The following MAGI2 variants were observed in gnomAD, a reference collection of about 807,000 sequenced individuals.
MAGI2 encodes membrane-associated guanylate kinase, WW and PDZ domain-containing protein 2.
Under a neutral mutation model 133.3 loss-of-function variants are expected in MAGI2, and 35 were observed. The observed-to-expected ratio is 0.26, with a 90% confidence interval of 0.20 to 0.35. The LOEUF (loss-of-function observed/expected upper bound fraction) is 0.35, where lower values mean the gene tolerates loss of function less well. Ranked by LOEUF, MAGI2 falls within the 10% of genes least tolerant of loss-of-function variation. The pLI is 1.00. For synonymous variants in MAGI2, 729 were observed against 710.6 expected, an observed-to-expected ratio of 1.03 and a Z score of -0.41; for missense variants, 1,636 against 1,863.4, an observed-to-expected ratio of 0.88 and a Z score of 2.25.
At chr7:78,882,692 GT>G (rs540923427) in intron 2 of MAGI2, among the ~76,000 whole-genome samples, 159 of 152,208 alleles carry the variant, frequency 1.0e-3, no homozygotes, top group African/African-American at 3.5e-3. Flanking sequence ...GGGATGCAAG[GT>G]TGGTTCCATG....
intron 3 of MAGI2, among the ~76,000 whole-genome samples, chr7:78,545,538 T>A (rs1387002509): frequency 6.6e-6 from 1 of 152,130 alleles, no homozygotes; most frequent in Non-Finnish European, 1.5e-5. Context: ...TTATGCAACA[T>A]TAATTTAAAC....
intron 1 of MAGI2, among the ~76,000 whole-genome samples, chr7:79,316,682 G>A (rs1838748987): frequency 6.6e-6 from 1 of 152,026 alleles, no homozygotes; most frequent in African/African-American, 2.4e-5. Context: ...GACTAATGTT[G>A]TATCAGACCA....
intron 1 of MAGI2, among the ~76,000 whole-genome samples, chr7:79,264,848 C>T (rs866821657): frequency 8.7e-5 from 13 of 149,834 alleles, no homozygotes; most frequent in Middle Eastern, 3.4e-3. Flanking sequence ...AGAGAGGAAA[C>T]GAGAGAGACA....
chr7:78,654,482 A>C (rs1007632475), intron 2 of MAGI2, among the ~76,000 whole-genome samples: 1 of 151,806 alleles, frequency 6.6e-6, no homozygotes, highest in African/African-American at 2.4e-5. Flanking sequence ...CATTTTCTGG[A>C]GTCATAATAT....
chr7:78,872,003 C>A (rs946414634), intron 2 of MAGI2, among the ~76,000 whole-genome samples: 2 of 151,648 alleles, frequency 1.3e-5, no homozygotes, highest in African/African-American at 4.8e-5. Flanking sequence ...CACATACATA[C>A]AAGAATCTCT....
At chr7:78,690,721 A>T (rs1228302749) in intron 2 of MAGI2, among the ~76,000 whole-genome samples, 1 of 152,224 alleles carries the variant, frequency 6.6e-6, no homozygotes, top group Non-Finnish European at 1.5e-5. Context: ...CCATAAGAGT[A>T]AAAACATTAC....
At chr7:78,807,890 C>T (rs1377863224) in intron 2 of MAGI2, among the ~76,000 whole-genome samples, 1 of 152,100 alleles carries the variant, frequency 6.6e-6, no homozygotes, top group Admixed American at 6.5e-5. Context: ...GATGAAGAAA[C>T]TTAGGCTTAG....
intron 2 of MAGI2, among the ~76,000 whole-genome samples, chr7:78,917,079 A>G (rs1421167375): frequency 6.6e-6 from 1 of 152,154 alleles, no homozygotes; most frequent in African/African-American, 2.4e-5. Context: ...GTCTAAAAAA[A>G]TTAGTGATCA....
At chr7:78,567,795 C>T (rs1033037206) in intron 3 of MAGI2, among the ~76,000 whole-genome samples, 2 of 152,122 alleles carry the variant, frequency 1.3e-5, no homozygotes, top group Admixed American at 1.3e-4. Flanking sequence ...CCCCCATCTC[C>T]CAACAAATAC....
At chr7:79,183,273 T>TTA (rs1197100153) in intron 1 of MAGI2, among the ~76,000 whole-genome samples, 1 of 151,844 alleles carries the variant, frequency 6.6e-6, no homozygotes, top group Non-Finnish European at 1.5e-5. Flanking sequence ...GACTTGATAA[T>TTA]TATATATATT....
At chr7:79,203,614 C>T (rs1828794563) in intron 1 of MAGI2, among the ~76,000 whole-genome samples, 1 of 151,698 alleles carries the variant, frequency 6.6e-6, no homozygotes, top group Admixed American at 6.6e-5. Context: ...GCATTCACTC[C>T]TGAAAAAAAA....
chr7:78,120,707 T>C (rs1245734542), intron 20 of MAGI2, among the ~76,000 whole-genome samples: 1 of 152,056 alleles, frequency 6.6e-6, no homozygotes, highest in African/African-American at 2.4e-5. Context: ...ACTCATTAAA[T>C]AATGATGCTG....
intron 2 of MAGI2, among the ~76,000 whole-genome samples, chr7:78,854,868 T>TTA (rs1793489446): frequency 1.3e-5 from 2 of 151,770 alleles, no homozygotes; most frequent in South Asian, 4.2e-4. Flanking sequence ...CTTTTATTTT[T>TTA]ATTCTTGAGA....
intron 2 of MAGI2, among the ~76,000 whole-genome samples, chr7:78,765,089 T>C (rs912964191): frequency 8.5e-5 from 13 of 152,152 alleles, no homozygotes; most frequent in Non-Finnish European, 1.5e-4. Context: ...TTGATATGGG[T>C]AGTAAATTTC....
At chr7:78,384,900 G>A (rs1333172960) in intron 6 of MAGI2, among the ~76,000 whole-genome samples, 1 of 152,132 alleles carries the variant, frequency 6.6e-6, no homozygotes, top group Non-Finnish European at 1.5e-5. Flanking sequence ...ACTAAAATTT[G>A]CAGATAAGAT....
chr7:78,653,354 T>A (rs1301550584), intron 2 of MAGI2, among the ~76,000 whole-genome samples: 1 of 152,220 alleles, frequency 6.6e-6, no homozygotes, highest in Non-Finnish European at 1.5e-5. Context: ...ATTGGAGCAC[T>A]GTTCACAATA....
At chr7:78,729,186 C>T (rs1431246483) in intron 2 of MAGI2, among the ~76,000 whole-genome samples, 1 of 152,034 alleles carries the variant, frequency 6.6e-6, no homozygotes, top group South Asian at 2.1e-4. Flanking sequence ...TGGTTTAGTG[C>T]CAATATCCAA....
intron 10 of MAGI2, among the ~76,000 whole-genome samples, chr7:78,249,471 A>G (rs181531226): frequency 3.3e-4 from 51 of 152,278 alleles, no homozygotes; most frequent in Non-Finnish European, 2.6e-4. Context: ...GTGTCCATCA[A>G]TGGATGAATG....
chr7:78,120,583 C>A (rs1261768024), intron 20 of MAGI2, among the ~76,000 whole-genome samples: 1 of 152,192 alleles, frequency 6.6e-6, no homozygotes, highest in East Asian at 1.9e-4. Context: ...CAGGGATAGA[C>A]AAATAGACTA....
Sources: allele counts gnomAD v4.1 joint callset (sites outside exome capture counted in the v4.1 genomes callset), GRCh38; gene constraint gnomAD v4.1.1; transcripts MANE v1.5; gene names NCBI Gene and HGNC (gene_info 2026-07-23, HGNC 2026-07-21).